The following SCML1 variants were observed in gnomAD, a reference collection of about 807,000 sequenced individuals.
SCML1 encodes the protein sex comb on midleg-like protein 1.
For missense variants in SCML1, 137 were observed against 258.1 expected (o/e 0.53, Z 3.22); for synonymous variants, 104 against 103.6 (o/e 1.00, Z -0.02).
intron 4 of SCML1, among the ~76,000 whole-genome samples, chrX:17,747,694 G>A (rs1049229780): frequency 8.9e-6 from 1 of 111,862 alleles, no homozygotes; most frequent in Admixed American, 9.5e-5. Flanking sequence ...CCTGTGTCAC[G>A]CCACTGGTAA....
chrX:17,744,848 A>G (rs930599965), intron 2 of SCML1: 2 of 112,133 alleles, frequency 1.8e-5, no homozygotes, highest in African/African-American at 3.2e-5. Context: ...ACCCAATTCC[A>G]TATGTTTTTG....
chrX:17,739,616 A>T (rs959964137), intron 1 of SCML1, among the ~76,000 whole-genome samples: 22 of 110,597 alleles, frequency 2.0e-4, no homozygotes, highest in Non-Finnish European at 2.5e-4. Flanking sequence ...TGGGAGGCCG[A>T]GGTGGGCAGA....
chrX:17,739,948 A>C (rs1410330016), intron 1 of SCML1, among the ~76,000 whole-genome samples: 6 of 110,270 alleles, frequency 5.4e-5, no homozygotes, highest in African/African-American at 2.0e-4. Context: ...AGATTTAAAA[A>C]TGAAATTAAT....
chrX:17,749,109 A>G (rs1250397545), intron 4 of SCML1, among the ~76,000 whole-genome samples: 1 of 112,196 alleles, frequency 8.9e-6, no homozygotes, highest in Admixed American at 9.4e-5. Context: ...TTCATCATCA[A>G]TGTGCTAGCA....
At chrX:17,738,297 G>A (rs1316773343) in intron 1 of SCML1, among the ~76,000 whole-genome samples, 1 of 112,434 alleles carries the variant, frequency 8.9e-6, no homozygotes, top group Non-Finnish European at 1.9e-5. Context: ...CTTGCCGCGT[G>A]GTCGTTAACA....
chrX:17,750,642 A>G (rs2066699465), intron 6 of SCML1, among the ~76,000 whole-genome samples: 1 of 112,252 alleles, frequency 8.9e-6, no homozygotes, highest in Non-Finnish European at 1.9e-5. Flanking sequence ...TGGCACATTT[A>G]TTACGCCATC....
At chrX:17,745,667 A>G (rs1488617821) in intron 3 of SCML1, 128 bp downstream of exon 3, 1 of 428,423 alleles carries the variant, frequency 2.3e-6, no homozygotes, top group Non-Finnish European at 4.0e-6. Flanking sequence ...CTGAATTTGT[A>G]TGCTTGCTTT....
chrX:17,739,867 AAAAG>A (rs200518867), intron 1 of SCML1, among the ~76,000 whole-genome samples: 5,360 of 103,927 alleles, frequency 0.052, 372 homozygotes, highest in East Asian at 0.24. Context: ...AAAAAAAAAA[AAAAG>A]AAATTTAGAT....
chrX:17,748,417 GC>G (rs2066665251), intron 4 of SCML1, among the ~76,000 whole-genome samples: 1 of 111,390 alleles, frequency 9.0e-6, no homozygotes, highest in South Asian at 3.8e-4. Context: ...TGTTGCCTAG[GC>G]TTGTCTCCAA....
intron 7 of SCML1, among the ~76,000 whole-genome samples, chrX:17,752,830 T>C (rs2066725286): frequency 9.0e-6 from 1 of 111,613 alleles, no homozygotes; most frequent in Non-Finnish European, 1.9e-5. Context: ...AAAGACAACA[T>C]TGTATAGACA....
At chrX:17,738,323 T>C (rs1165366484) in intron 1 of SCML1, among the ~76,000 whole-genome samples, 1 of 112,180 alleles carries the variant, frequency 8.9e-6, no homozygotes, top group Admixed American at 9.4e-5. Flanking sequence ...GGCCCTGATT[T>C]GGTTGGTGGC....
intron 4 of SCML1, among the ~76,000 whole-genome samples, chrX:17,746,968 C>G (rs1389259705): frequency 8.9e-6 from 1 of 112,421 alleles, no homozygotes; most frequent in Non-Finnish European, 1.9e-5. Flanking sequence ...CCTACCCGTT[C>G]TAGATCACAG....
In SCML1 at chrX:17,737,645, C is replaced by T. The variant is rs2066549851; in HGVS notation, c.-152C>T. 1 of 111,272 alleles carries T rather than the reference C, an allele frequency of 9.0e-6. No homozygotes were observed. The highest frequency in any genetic ancestry group is 2.9e-4 in the East Asian group (1 of 3,466). The allele number at this position is 111,272 out of a possible 1,213,427, so 9.2% of individuals were successfully genotyped here. ...CTGCGAGCAGTTTTACCGCGACCTC[C>T]GGAGGCCGGCGTGACAGGCTCTGTC... On this transcript the variant is annotated 5_prime_UTR_variant, in exon 1 of 8. Coordinates refer to ENST00000380041, the MANE Select transcript of SCML1 (RefSeq NM_001037540.3).
intron 4 of SCML1, 62 bp downstream of exon 4, chrX:17,746,160 C>T (rs901136055): frequency 1.7e-5 from 11 of 657,364 alleles, no homozygotes; most frequent in Non-Finnish European, 2.6e-5. Context: ...TTCTCTTTAT[C>T]TCACATAAAG....
intron 2 of SCML1, 37 bp from the exon 3 acceptor site, chrX:17,745,419 C>A: frequency 1.2e-6 from 1 of 865,707 alleles, no homozygotes; most frequent in Non-Finnish European, 1.7e-6. Context: ...TTCTGTCTTT[C>A]ATCTTCCCTT....
rs1470571106 is a variant in SCML1 at position 17,744,149 on chromosome X, C to T, written c.-38C>T. 1.7e-6 allele frequency: 2 copies of T among 1,159,110 alleles called. No homozygotes were observed. Among genetic ancestry groups the T allele is most frequent in the South Asian group, 1.8e-5 (1 of 55,090 alleles). ...CAGCAAGTTTAAAAATAATTAGGTC[C>T]AACTCAGAGGAAGTGGAGTTTCTCC... On this transcript the variant is annotated 5_prime_UTR_variant, in exon 2 of 8. Coordinates refer to ENST00000380041, the MANE Select transcript of SCML1 (RefSeq NM_001037540.3).
intron 6 of SCML1, 85 bp downstream of exon 6, chrX:17,750,378 G>T: frequency 4.2e-6 from 4 of 943,543 alleles, no homozygotes; most frequent in Middle Eastern, 5.5e-4. Flanking sequence ...AGGTATACTG[G>T]ATCATCTCTC....
At chrX:17,741,177 C>T (rs915280829) in intron 1 of SCML1, among the ~76,000 whole-genome samples, 4 of 111,570 alleles carry the variant, frequency 3.6e-5, no homozygotes, top group African/African-American at 1.3e-4. Flanking sequence ...GGAGTGCTAG[C>T]GGGGTATAGT....
intron 3 of SCML1, chrX:17,745,743 C>T (rs2066636908): frequency 1.1e-5 from 4 of 358,293 alleles, no homozygotes; most frequent in Non-Finnish European, 1.9e-5. Flanking sequence ...AAATTAAGAG[C>T]AGTTTTGTAC....
Sources: gnomAD v4.1 joint callset for allele counts (sites outside exome capture counted in the v4.1 genomes callset) on GRCh38, gnomAD v4.1.1 for gene constraint, MANE v1.5 for transcripts, NCBI Gene and HGNC (gene_info 2026-07-23, HGNC 2026-07-21) for gene names.